DLG2: variants seen among roughly 807,000 people sequenced by gnomAD.
The protein encoded by DLG2 is discs large MAGUK scaffold protein 2.
Under a neutral mutation model 132.5 loss-of-function variants are expected in DLG2, and 45 were observed. That is an observed-to-expected ratio of 0.34 (90% CI 0.27 to 0.44). The LOEUF (loss-of-function observed/expected upper bound fraction) is 0.44, where lower values mean the gene tolerates loss of function less well. DLG2 is among the 20% of genes least tolerant of loss of function. The probability of loss-of-function intolerance (pLI) is 1.00; values close to 1 mark genes in which losing one functional copy is unlikely to be tolerated. For missense variants in DLG2, 1,045 were observed against 1,196.9 expected (o/e 0.87, Z 1.87); for synonymous variants, 424 against 419.6 (o/e 1.01, Z -0.13).
intron 7 of DLG2, among the ~76,000 whole-genome samples, chr11:84,464,819 T>G (rs1184987778): frequency 6.6e-6 from 1 of 151,188 alleles, no homozygotes; most frequent in Non-Finnish European, 1.5e-5. Flanking sequence ...CATATCTACA[T>G]ACAAATATGT....
At chr11:84,099,423 A>C (rs1209034379) in intron 9 of DLG2, among the ~76,000 whole-genome samples, 1 of 152,104 alleles carries the variant, frequency 6.6e-6, no homozygotes, top group African/African-American at 2.4e-5. Context: ...AAAAAGTTAC[A>C]TGAAAGAATT....
intron 6 of DLG2, among the ~76,000 whole-genome samples, chr11:84,600,159 G>GGAAGGAAAGAAA (rs1291909906): frequency 4.2e-5 from 4 of 96,102 alleles, no homozygotes; most frequent in Non-Finnish European, 8.1e-5. Flanking sequence ...AAAGAAAGAA[G>GGAAGGAAAGAAA]GAAAGAAAGA....
intron 18 of DLG2, among the ~76,000 whole-genome samples, chr11:83,785,676 G>A (rs779503815): frequency 3.3e-5 from 5 of 152,216 alleles, no homozygotes; most frequent in Non-Finnish European, 7.3e-5. Flanking sequence ...CCATGTGATT[G>A]GCCACCATTA....
intron 19 of DLG2, among the ~76,000 whole-genome samples, chr11:83,606,867 C>T (rs1458715671): frequency 1.3e-5 from 2 of 151,960 alleles, no homozygotes; most frequent in Non-Finnish European, 2.9e-5. Flanking sequence ...GCGGAGCTTG[C>T]AGTGAGCAGA....
chr11:85,039,078 T>C (rs2061636141), intron 6 of DLG2, among the ~76,000 whole-genome samples: 1 of 151,998 alleles, frequency 6.6e-6, no homozygotes, highest in African/African-American at 2.4e-5. Flanking sequence ...AGATTTTAAA[T>C]TACATAGTCA....
chr11:85,358,010 G>C (rs59464672), intron 3 of DLG2, among the ~76,000 whole-genome samples: 1 of 151,336 alleles, frequency 6.6e-6, no homozygotes, highest in Non-Finnish European at 1.5e-5. Context: ...AGAAATAAAG[G>C]AAAAGGATCA....
intron 6 of DLG2, among the ~76,000 whole-genome samples, chr11:84,870,511 T>C (rs997156151): frequency 2.0e-5 from 3 of 152,218 alleles, no homozygotes; most frequent in African/African-American, 4.8e-5. Context: ...AGAATGCTTT[T>C]TTCTTAAGAG....
chr11:85,258,893 G>A lies in DLG2; in HGVS notation c.186+26327C>T, dbSNP rs117794530. 5.6e-3 allele frequency among the ~76,000 whole-genome samples: 857 copies of A among 152,232 alleles called. 4 individuals are homozygous for A. The highest frequency in any genetic ancestry group is 0.012 in the Admixed American group (188 of 15,294). On this transcript the variant is annotated intron_variant, in intron 4 of 27. Coordinates refer to ENST00000376104, the MANE Select transcript of DLG2 (RefSeq NM_001142699.3). Reference sequence around the variant, plus strand: ...CTGTTTTGTTCAGGCAAAGTGTTGTGTTTTATCTACATTTAATCTCATTTA... The same window carrying A: ...CTGTTTTGTTCAGGCAAAGTGTTGTATTTTATCTACATTTAATCTCATTTA...
intron 18 of DLG2, among the ~76,000 whole-genome samples, chr11:83,706,599 A>C (rs140664700): frequency 3.1e-4 from 47 of 152,336 alleles, no homozygotes; most frequent in Non-Finnish European, 6.3e-4. Context: ...GGAAAGAGGA[A>C]GCAGGGAAAC....
chr11:84,365,401 C>G (rs538002488), intron 7 of DLG2, among the ~76,000 whole-genome samples: 5 of 150,678 alleles, frequency 3.3e-5, no homozygotes, highest in African/African-American at 1.2e-4. Flanking sequence ...ATTCTTCTCT[C>G]TTTTTTTTTA....
chr11:85,435,878 A>G (rs1231406110), intron 3 of DLG2, among the ~76,000 whole-genome samples: 1 of 152,210 alleles, frequency 6.6e-6, no homozygotes, highest in South Asian at 2.1e-4. Flanking sequence ...AAAAGAACAA[A>G]GCTGGAGGCA....
chr11:85,518,129 G>A (rs1028840608), intron 3 of DLG2, among the ~76,000 whole-genome samples: 1 of 152,154 alleles, frequency 6.6e-6, no homozygotes, highest in East Asian at 1.9e-4. Flanking sequence ...AGAGTAAATT[G>A]ATACCAGCAG....
chr11:84,048,356 T>C (rs184006705), intron 11 of DLG2, among the ~76,000 whole-genome samples: 8 of 151,732 alleles, frequency 5.3e-5, no homozygotes, highest in East Asian at 1.9e-4. Flanking sequence ...CAGGGAACCA[T>C]TGTGGTAATT....
intron 6 of DLG2, among the ~76,000 whole-genome samples, chr11:84,744,140 A>G (rs1343549955): frequency 6.6e-6 from 1 of 152,168 alleles, no homozygotes; most frequent in Non-Finnish European, 1.5e-5. Flanking sequence ...TTGTTTTGTC[A>G]TTGTATATAT....
At chr11:83,597,816 A>AACAAACAC (rs797010341) in intron 19 of DLG2, among the ~76,000 whole-genome samples, 11 of 140,952 alleles carry the variant, frequency 7.8e-5, no homozygotes, top group African/African-American at 2.8e-4. Context: ...CAAACAAACA[A>AACAAACAC]ACACAAAAAC....
chr11:83,863,022 G>A (rs1417298642), intron 16 of DLG2, among the ~76,000 whole-genome samples: 1 of 152,148 alleles, frequency 6.6e-6, no homozygotes, highest in Admixed American at 6.5e-5. Context: ...GCATTAAATT[G>A]TGTGGCAGAG....
chr11:85,579,660 G>A (rs894064047), intron 3 of DLG2, among the ~76,000 whole-genome samples: 2 of 152,088 alleles, frequency 1.3e-5, no homozygotes, highest in African/African-American at 2.4e-5. Flanking sequence ...GAGAAAATAG[G>A]AGATGAAAAG....
intron 3 of DLG2, among the ~76,000 whole-genome samples, chr11:85,312,152 A>G (rs888960089): frequency 3.3e-5 from 5 of 152,000 alleles, no homozygotes; most frequent in African/African-American, 1.2e-4. Flanking sequence ...TATTGTCTCT[A>G]TTAATTATCT....
At chr11:83,483,427 T>TG in intron 22 of DLG2, 1 of 599,130 alleles carries the variant, frequency 1.7e-6, no homozygotes, top group South Asian at 2.7e-5. Flanking sequence ...CTGGATCCCA[T>TG]TCTCTCTTCT....
Sources: gnomAD v4.1 joint callset for allele counts (sites outside exome capture counted in the v4.1 genomes callset) on GRCh38, gnomAD v4.1.1 for gene constraint, MANE v1.5 for transcripts, NCBI Gene and HGNC (gene_info 2026-07-23, HGNC 2026-07-21) for gene names.